Variants in SOX5 observed in about 807,000 individuals in gnomAD.
SOX5 encodes SRY-box transcription factor 5, also known as transcription factor SOX-5.
In SOX5, 9 loss-of-function variants were observed where a neutral mutation model predicts 92.0. The ratio of observed to expected loss-of-function variants is 0.10; its 90% CI spans 0.06 to 0.17. The LOEUF is 0.17. Ranked by LOEUF, SOX5 falls within the 10% of genes least tolerant of loss-of-function variation. The pLI, the probability that SOX5 is intolerant of heterozygous loss-of-function variation, is 1.00. For missense variants in SOX5, 642 were observed against 944.5 expected, an observed-to-expected ratio of 0.68 and a Z score of 4.20; for synonymous variants, 344 against 336.3, an observed-to-expected ratio of 1.02 and a Z score of -0.25.
chr12:24,114,174 G>A (rs1407859135), intron 4 of SOX5, among the ~76,000 whole-genome samples: 4 of 151,716 alleles, frequency 2.6e-5, no homozygotes, highest in East Asian at 3.9e-4. Flanking sequence ...AAACATTTGT[G>A]GAAAGATTAC....
chr12:24,243,633 T>C (rs1162565031), intron 3 of SOX5, among the ~76,000 whole-genome samples: 3 of 152,206 alleles, frequency 2.0e-5, no homozygotes, highest in Admixed American at 2.0e-4. Context: ...CATTGCCTTA[T>C]AGAATAGTGG....
At chr12:23,659,352 T>G (rs1385903893) in intron 7 of SOX5, among the ~76,000 whole-genome samples, 1 of 152,220 alleles carries the variant, frequency 6.6e-6, no homozygotes, top group South Asian at 2.1e-4. Context: ...ACTGAGAGTT[T>G]CCCTTTTTAT....
chr12:24,431,958 C>A (rs556224819), intron 1 of SOX5, among the ~76,000 whole-genome samples: 1 of 152,188 alleles, frequency 6.6e-6, no homozygotes, highest in African/African-American at 2.4e-5. Context: ...GTTTTCCTAA[C>A]AGGACTTCAG....
intron 4 of SOX5, among the ~76,000 whole-genome samples, chr12:24,125,915 C>A (rs1593389774): frequency 6.6e-6 from 1 of 152,176 alleles, no homozygotes; most frequent in African/African-American, 2.4e-5. Context: ...CTCTAATAAC[C>A]AGTGAATCCA....
At chr12:23,802,647 T>G (rs2095684016) in intron 3 of SOX5, among the ~76,000 whole-genome samples, 1 of 152,162 alleles carries the variant, frequency 6.6e-6, no homozygotes, top group South Asian at 2.1e-4. Context: ...TTAACCTTTA[T>G]ATCTCCCCAG....
At chr12:23,611,842 A>C (rs1190227886) in intron 8 of SOX5, among the ~76,000 whole-genome samples, 2 of 151,658 alleles carry the variant, frequency 1.3e-5, no homozygotes, top group Non-Finnish European at 2.9e-5. Flanking sequence ...CCCCCTTTTC[A>C]TCCTCCCTAC....
intron 4 of SOX5, among the ~76,000 whole-genome samples, chr12:24,065,167 G>T (rs1940451528): frequency 6.6e-6 from 1 of 152,142 alleles, no homozygotes; most frequent in Admixed American, 6.5e-5. Flanking sequence ...CAATGGGCTG[G>T]TAGAGACATT....
At chr12:24,398,108 C>T (rs1183416749) in intron 1 of SOX5, among the ~76,000 whole-genome samples, 2 of 152,114 alleles carry the variant, frequency 1.3e-5, no homozygotes, top group Non-Finnish European at 2.9e-5. Flanking sequence ...CCTCGGCCTC[C>T]CAAAGTGCTG....
chr12:23,787,000 A>C (rs2095392268), intron 3 of SOX5, among the ~76,000 whole-genome samples: 1 of 145,624 alleles, frequency 6.9e-6, no homozygotes, highest in Non-Finnish European at 1.5e-5. Context: ...GCTGTAAGCC[A>C]GAACAAAAAA....
intron 4 of SOX5, among the ~76,000 whole-genome samples, chr12:24,050,290 T>C (rs1262810617): frequency 6.6e-6 from 1 of 152,234 alleles, no homozygotes; most frequent in South Asian, 2.1e-4. Flanking sequence ...CATTTTTTTG[T>C]ACACATAAAC....
At chr12:23,582,231 C>G (rs2136917081) in intron 9 of SOX5, 1 of 984,994 alleles carries the variant, frequency 1.0e-6, no homozygotes, top group Admixed American at 6.2e-5. Context: ...TGGGAGCCCT[C>G]TTTCACCTCT....
At chr12:23,653,529 T>C (rs1222672201) in intron 7 of SOX5, among the ~76,000 whole-genome samples, 1 of 152,094 alleles carries the variant, frequency 6.6e-6, no homozygotes, top group Non-Finnish European at 1.5e-5. Context: ...TTCGGGCTGA[T>C]ACAACAAAAT....
At chr12:23,686,712 AGGAAATTCTTTTTCCTTTTTT>A (rs2087657715) in intron 6 of SOX5, among the ~76,000 whole-genome samples, 1 of 152,266 alleles carries the variant, frequency 6.6e-6, no homozygotes, top group South Asian at 2.1e-4. Context: ...ATAGCAAAAA[AGGAAATTCTTTTTCCTTTTTT>A]GGAAATTCTG....
chr12:24,550,291 C>T (rs995162166), intron 1 of SOX5, among the ~76,000 whole-genome samples: 1 of 152,142 alleles, frequency 6.6e-6, no homozygotes, highest in Non-Finnish European at 1.5e-5. Flanking sequence ...AGGGAGGAAA[C>T]GATTCTTGGT....
At chr12:24,098,712 T>C (rs180843912) in intron 4 of SOX5, among the ~76,000 whole-genome samples, 232 of 152,218 alleles carry the variant, frequency 1.5e-3, no homozygotes, top group Non-Finnish European at 2.6e-3. Context: ...ACTCTCAGCT[T>C]CTCCAGACTC....
chr12:23,847,584 T>G (rs2096588753), intron 2 of SOX5, among the ~76,000 whole-genome samples: 1 of 152,100 alleles, frequency 6.6e-6, no homozygotes, highest in Non-Finnish European at 1.5e-5. Flanking sequence ...TGTTTTTTTT[T>G]GTTGTTAAGA....
chr12:23,905,065 C>T (rs916496188), intron 1 of SOX5, among the ~76,000 whole-genome samples: 8 of 152,144 alleles, frequency 5.3e-5, no homozygotes, highest in African/African-American at 1.9e-4. Flanking sequence ...TGATTCTTGT[C>T]ATTATCTGAA....
At chr12:24,172,202 C>A (rs925493757) in intron 4 of SOX5, among the ~76,000 whole-genome samples, 2 of 152,018 alleles carry the variant, frequency 1.3e-5, no homozygotes, top group African/African-American at 4.8e-5. Context: ...AGTCCCAGGA[C>A]TTCAAGCAGG....
intron 4 of SOX5, among the ~76,000 whole-genome samples, chr12:24,065,412 G>C (rs1940505756): frequency 6.6e-6 from 1 of 152,110 alleles, no homozygotes; most frequent in Non-Finnish European, 1.5e-5. Flanking sequence ...ACTTTGGGAG[G>C]CCAAGGTGGG....
Sources: gnomAD v4.1 joint callset for allele counts (sites outside exome capture counted in the v4.1 genomes callset) on GRCh38, gnomAD v4.1.1 for gene constraint, MANE v1.5 for transcripts, NCBI Gene and HGNC (gene_info 2026-07-23, HGNC 2026-07-21) for gene names.